Variants in BRINP3 observed in about 807,000 individuals in gnomAD.
BRINP3 encodes the protein BMP/retinoic acid inducible neural specific 3.
Under a neutral mutation model 71.0 loss-of-function variants are expected in BRINP3, and 19 were observed. The observed-to-expected ratio is 0.27, with a 90% CI of 0.19 to 0.39. The LOEUF is 0.39. BRINP3 is among the 10% of genes least tolerant of loss of function. The pLI is 1.00. For missense variants in BRINP3, 959 were observed against 940.8 expected (o/e 1.02, Z -0.25); for synonymous variants, 380 against 337.7 (o/e 1.13, Z -1.37).
At chr1:190,163,513 G>A (rs1275166453) in intron 6 of BRINP3, among the ~76,000 whole-genome samples, 1 of 151,924 alleles carries the variant, frequency 6.6e-6, no homozygotes, top group Non-Finnish European at 1.5e-5. Flanking sequence ...GTAACCAACT[G>A]CAAAAACAAT....
At chr1:190,442,421 T>C (rs1393668610) in intron 2 of BRINP3, among the ~76,000 whole-genome samples, 1 of 152,166 alleles carries the variant, frequency 6.6e-6, no homozygotes, top group South Asian at 2.1e-4. Flanking sequence ...GCTACTAATA[T>C]CTGTTTAAAT....
intron 1 of BRINP3, among the ~76,000 whole-genome samples, chr1:190,473,644 A>T (rs147779680): frequency 1.3e-5 from 2 of 150,782 alleles, no homozygotes; most frequent in Admixed American, 6.6e-5. Flanking sequence ...AGCTTATTTG[A>T]GTATTCAGAA....
chr1:190,118,299 ATAAAT>A (rs1354993508), intron 7 of BRINP3, among the ~76,000 whole-genome samples: 1 of 152,180 alleles, frequency 6.6e-6, no homozygotes, highest in Non-Finnish European at 1.5e-5. Context: ...CAGCATAACT[ATAAAT>A]TAAAGATGTT....
chr1:190,323,316 C>T (rs1344082239), intron 2 of BRINP3, among the ~76,000 whole-genome samples: 1 of 151,898 alleles, frequency 6.6e-6, no homozygotes, highest in Non-Finnish European at 1.5e-5. Flanking sequence ...GTTACTGGGT[C>T]TGCTTTTTCT....
intron 7 of BRINP3, among the ~76,000 whole-genome samples, chr1:190,129,338 T>C (rs1049150986): frequency 1.3e-5 from 2 of 152,022 alleles, no homozygotes; most frequent in African/African-American, 2.4e-5. Flanking sequence ...AAAAGTGACA[T>C]GGTAGTAATT....
chr1:190,243,393 G>A (rs1211012752), intron 4 of BRINP3, among the ~76,000 whole-genome samples: 2 of 151,878 alleles, frequency 1.3e-5, no homozygotes, highest in Non-Finnish European at 2.9e-5. Context: ...AAAAATACAT[G>A]TAGCCATAAA....
intron 1 of BRINP3, among the ~76,000 whole-genome samples, chr1:190,469,340 T>G (rs1386763098): frequency 6.6e-6 from 1 of 151,028 alleles, no homozygotes; most frequent in Admixed American, 6.6e-5. Flanking sequence ...AATAAGAAAT[T>G]CTATTACTGT....
intron 7 of BRINP3, among the ~76,000 whole-genome samples, chr1:190,133,680 T>G (rs566615269): frequency 6.6e-6 from 1 of 152,096 alleles, no homozygotes; most frequent in Non-Finnish European, 1.5e-5. Context: ...CATAATACAC[T>G]TAATACAAAT....
At chr1:190,394,596 A>C (rs79309225) in intron 2 of BRINP3, among the ~76,000 whole-genome samples, 3,768 of 151,666 alleles carry the variant, frequency 0.025, 85 homozygotes, top group South Asian at 0.12. Flanking sequence ...TCACATATCT[A>C]TTACTAGAAA....
chr1:190,218,879 TTG>T lies in BRINP3; in HGVS notation c.961+7201_961+7202del, dbSNP rs148868224. ...TCTATTTACCCTTTCATTGTGTAAT[TTG>T]TGTTATTTCCAACAACAACAACAAA... On this transcript the variant is annotated intron_variant, in intron 6 of 7. Transcript: ENST00000367462. 1.2e-4 allele frequency among the ~76,000 whole-genome samples: 19 copies of T among 152,254 alleles called. No individual in the cohort carries two copies. In the East Asian group the frequency reaches 3.5e-3, roughly 28 times the overall value.
At chr1:190,353,707 C>T (rs1668547467) in intron 2 of BRINP3, among the ~76,000 whole-genome samples, 1 of 151,842 alleles carries the variant, frequency 6.6e-6, no homozygotes, top group South Asian at 2.1e-4. Flanking sequence ...ATTAGTAATC[C>T]TTCCCAGAAA....
At chr1:190,195,221 C>T (rs980085753) in intron 6 of BRINP3, among the ~76,000 whole-genome samples, 8 of 151,794 alleles carry the variant, frequency 5.3e-5, no homozygotes, top group Admixed American at 3.9e-4. Context: ...TTGGTTACAT[C>T]TATAAAGTAA....
intron 2 of BRINP3, among the ~76,000 whole-genome samples, chr1:190,389,720 T>G (rs1671131505): frequency 6.6e-6 from 1 of 151,822 alleles, no homozygotes; most frequent in South Asian, 2.1e-4. Context: ...CCTCAATAAA[T>G]GCAAATGGAT....
chr1:190,369,344 T>C (rs1403865754), intron 2 of BRINP3, among the ~76,000 whole-genome samples: 1 of 152,036 alleles, frequency 6.6e-6, no homozygotes, highest in Non-Finnish European at 1.5e-5. Flanking sequence ...AGTTGAAACA[T>C]TTTCAAATAA....
intron 1 of BRINP3, among the ~76,000 whole-genome samples, chr1:190,464,155 A>C (rs140069297): frequency 6.6e-6 from 1 of 151,868 alleles, no homozygotes; most frequent in Non-Finnish European, 1.5e-5. Context: ...TTAAAAAAAA[A>C]AGTAAACTAA....
rs1015247311 is a variant in BRINP3, at chr1:190,156,922, T to C, written c.1184+3746A>G. Among the ~76,000 whole-genome samples the C allele has an allele frequency of 1.4e-4, 21 of 152,054 alleles. No homozygotes were observed. The East Asian group carries it at 4.0e-3, about 29-fold the overall frequency. On this transcript the variant is annotated intron_variant, in intron 7 of 7. Transcript: ENST00000367462. The stretch of plus-strand genomic sequence containing the variant: ...ACATTTTCATTACAAAACTTGAACT[T>C]GTATAGCATTTTTGTATGTCAACTT...
chr1:190,201,127 G>A (rs1417051547), intron 6 of BRINP3, among the ~76,000 whole-genome samples: 1 of 152,150 alleles, frequency 6.6e-6, no homozygotes, highest in African/African-American at 2.4e-5. Context: ...GAAACTTGTT[G>A]AATGGCTTTG....
chr1:190,284,618 G>T (rs1663281093), intron 2 of BRINP3, among the ~76,000 whole-genome samples: 1 of 151,946 alleles, frequency 6.6e-6, no homozygotes, highest in South Asian at 2.1e-4. Flanking sequence ...AAGGCTTCCT[G>T]GACAACTTTC....
At chr1:190,177,127 G>T (rs906145143) in intron 6 of BRINP3, among the ~76,000 whole-genome samples, 5 of 131,794 alleles carry the variant, frequency 3.8e-5, no homozygotes, top group African/African-American at 5.7e-5. Flanking sequence ...TTGTTTGTTG[G>T]TTTGTCATGG....
Sources: allele counts gnomAD v4.1 joint callset (sites outside exome capture counted in the v4.1 genomes callset), GRCh38; gene constraint gnomAD v4.1.1; transcripts MANE v1.5; gene names NCBI Gene and HGNC (gene_info 2026-07-23, HGNC 2026-07-21).